Variants in PVT1 observed in about 807,000 individuals in gnomAD.
PVT1 encodes the protein Pvt1 oncogene.
At chr8:128,041,266 G>A (rs1284269283) in intron 4 of PVT1, among the ~76,000 whole-genome samples, 1 of 148,766 alleles carries the variant, frequency 6.7e-6, no homozygotes, top group Non-Finnish European at 1.5e-5. Flanking sequence ...GTGCATGTGT[G>A]TGCATCTGTG....
intron 2 of PVT1, among the ~76,000 whole-genome samples, chr8:127,864,306 C>T (rs549282566): frequency 6.6e-6 from 1 of 152,184 alleles, no homozygotes; most frequent in African/African-American, 2.4e-5. Context: ...GGGGCCCTGC[C>T]AGTCCCCCGC....
chr8:127,908,429 C>T (rs932298620), intron 3 of PVT1, among the ~76,000 whole-genome samples: 4 of 151,608 alleles, frequency 2.6e-5, no homozygotes, highest in Non-Finnish European at 5.9e-5. Context: ...GCAACCTCCG[C>T]CTCCTGGGTT....
intron 4 of PVT1, among the ~76,000 whole-genome samples, chr8:128,021,907 G>C (rs925704273): frequency 6.6e-6 from 1 of 152,066 alleles, no homozygotes; most frequent in Admixed American, 6.5e-5. Context: ...AGAGTGCAGG[G>C]GTAGGGAAGC....
intron 4 of PVT1, chr8:128,049,137 G>T (rs376231091): frequency 2.1e-5 from 11 of 524,972 alleles, no homozygotes; most frequent in Middle Eastern, 3.2e-4. Flanking sequence ...TTTCCTGGCC[G>T]CCAGGCCTCC....
At chr8:128,024,764 T>C (rs1357784864) in intron 4 of PVT1, among the ~76,000 whole-genome samples, 1 of 152,244 alleles carries the variant, frequency 6.6e-6, no homozygotes. Flanking sequence ...GCGCCTGTGC[T>C]GTCTTCAGGG....
intron 4 of PVT1, among the ~76,000 whole-genome samples, chr8:128,004,358 G>A (rs1240695774): frequency 6.6e-6 from 1 of 152,170 alleles, no homozygotes; most frequent in Non-Finnish European, 1.5e-5. Flanking sequence ...GGGTGGGGGA[G>A]AAGGGAGGGC....
At chr8:128,065,583 G>T (rs566649595) in intron 4 of PVT1, among the ~76,000 whole-genome samples, 7 of 152,144 alleles carry the variant, frequency 4.6e-5, no homozygotes, top group Non-Finnish European at 1.0e-4. Context: ...GAACCCTGAG[G>T]GTAAGGGAGA....
chr8:128,033,516 C>T (rs1813424051), intron 4 of PVT1, among the ~76,000 whole-genome samples: 1 of 152,220 alleles, frequency 6.6e-6, no homozygotes, highest in Admixed American at 6.5e-5. Context: ...AAGCTTCTCC[C>T]TGGGCGGCCA....
At chr8:127,858,805 CTTTTTTTTTTTTT>C (rs35886687) in intron 2 of PVT1, among the ~76,000 whole-genome samples, 6 of 47,322 alleles carry the variant, frequency 1.3e-4, no homozygotes, top group Admixed American at 5.3e-4. Context: ...CTTGAAGATT[CTTTTTTTTTTTTT>C]TTTTTTTTTT....
At chr8:128,089,889 C>CGAA (rs1248542051) in intron 5 of PVT1, among the ~76,000 whole-genome samples, 1 of 152,194 alleles carries the variant, frequency 6.6e-6, no homozygotes, top group Non-Finnish European at 1.5e-5. Flanking sequence ...TTCGCTAGGG[C>CGAA]CTCACCCACT....
intron 2 of PVT1, among the ~76,000 whole-genome samples, chr8:127,796,525 C>T (rs1347984064): frequency 6.6e-6 from 1 of 151,988 alleles, no homozygotes; most frequent in Non-Finnish European, 1.5e-5. Flanking sequence ...TGGCTGGATT[C>T]TGGAGCCTGT....
intron 2 of PVT1, among the ~76,000 whole-genome samples, chr8:127,809,246 G>A (rs1048793466): frequency 6.6e-6 from 1 of 152,002 alleles, no homozygotes; most frequent in Non-Finnish European, 1.5e-5. Context: ...AGGCAGGAGT[G>A]CAGTGAGCCA....
chr8:128,006,707 ATTTTC>A (rs1209859976), intron 4 of PVT1, among the ~76,000 whole-genome samples: 1 of 152,088 alleles, frequency 6.6e-6, no homozygotes, highest in Non-Finnish European at 1.5e-5. Context: ...TAAGGAAGAT[ATTTTC>A]TTTTATATTG....
chr8:128,058,639 T>C (rs1195996387), intron 4 of PVT1, among the ~76,000 whole-genome samples: 1 of 152,134 alleles, frequency 6.6e-6, no homozygotes, highest in Non-Finnish European at 1.5e-5. Context: ...TTATAAACAG[T>C]GTTGGTATGA....
chr8:127,910,245 G>A (rs562814151), intron 3 of PVT1, among the ~76,000 whole-genome samples: 14 of 152,270 alleles, frequency 9.2e-5, no homozygotes, highest in South Asian at 2.1e-4. Flanking sequence ...AGATGGAAGC[G>A]GGGGCAGTTG....
chr8:128,060,753 T>A (rs1164455792), intron 4 of PVT1, among the ~76,000 whole-genome samples: 2 of 152,230 alleles, frequency 1.3e-5, no homozygotes, highest in Middle Eastern at 3.2e-3. Flanking sequence ...TGATTCTGAA[T>A]GTTCTTTTTT....
At chr8:128,092,791 T>C (rs975111111) in intron 5 of PVT1, among the ~76,000 whole-genome samples, 2 of 152,206 alleles carry the variant, frequency 1.3e-5, no homozygotes, top group East Asian at 3.9e-4. Context: ...ACTCTCAGCA[T>C]GGTGCCATTA....
At chr8:128,033,877 C>T (rs1563671091) in intron 4 of PVT1, among the ~76,000 whole-genome samples, 1 of 152,136 alleles carries the variant, frequency 6.6e-6, no homozygotes, top group Non-Finnish European at 1.5e-5. Flanking sequence ...GAATACTTTT[C>T]TTCACTTGCC....
chr8:127,817,421 G>GAT (rs61396145), intron 2 of PVT1, among the ~76,000 whole-genome samples: 55,790 of 130,376 alleles, frequency 0.43, 12,671 homozygotes, highest in African/African-American at 0.52. Flanking sequence ...TATTTAAATA[G>GAT]ATATATATAT....
Sources: gnomAD v4.1 joint callset for allele counts (sites outside exome capture counted in the v4.1 genomes callset) on GRCh38, gnomAD v4.1.1 for gene constraint, MANE v1.5 for transcripts, NCBI Gene and HGNC (gene_info 2026-07-23, HGNC 2026-07-21) for gene names.